Variants in INSR observed in about 807,000 individuals in gnomAD.
The protein encoded by INSR is insulin receptor, also known as IR.
Under a neutral mutation model 142.6 loss-of-function variants are expected in INSR, and 67 were observed. That is an observed-to-expected ratio of 0.47 (90% confidence interval 0.39 to 0.58). The LOEUF is 0.58. INSR is among the 20% of genes least tolerant of loss of function. The probability of loss-of-function intolerance (pLI) is 0.00; values close to 1 mark genes in which losing one functional copy is unlikely to be tolerated. For synonymous variants in INSR, 756 were observed against 743.1 expected (o/e 1.02, Z -0.28); for missense variants, 1,248 against 1,833.2 (o/e 0.68, Z 5.83).
chr19:7,157,762 C>CCTT (rs1973634903), intron 9 of INSR, among the ~76,000 whole-genome samples: 1 of 151,792 alleles, frequency 6.6e-6, no homozygotes, highest in East Asian at 1.9e-4. Flanking sequence ...TGCCTGGTGA[C>CCTT]TGCTGAGCAA....
At position 7,116,949 on chromosome 19, in the gene INSR, C is replaced by A; in HGVS notation, c.*107G>T. Reference sequence around the variant, plus strand: ...AATGTATAGGAACGATCTCTGAACTCCATTGGACATGGTAGAGTCGTGAGA... The same window carrying A: ...AATGTATAGGAACGATCTCTGAACTACATTGGACATGGTAGAGTCGTGAGA... On this transcript the variant is annotated 3_prime_UTR_variant, in exon 22 of 22. Coordinates refer to ENST00000302850, the MANE Select transcript of INSR (RefSeq NM_000208.4). 1 of 894,156 alleles carries A rather than the reference C, an allele frequency of 1.1e-6. No individual in the cohort carries two copies. Among genetic ancestry groups the A allele is most frequent in the East Asian group, 2.4e-5 (1 of 41,704 alleles). The allele number at this position is 894,156 out of a possible 1,614,324, so 55.4% of individuals were successfully genotyped here. A position where few individuals can be genotyped will look rare whatever the true frequency, so the allele number is the denominator to read the frequency against.
intron 1 of INSR, among the ~76,000 whole-genome samples, chr19:7,278,686 C>G (rs1332935565): frequency 6.7e-6 from 1 of 149,760 alleles, no homozygotes; most frequent in African/African-American, 2.5e-5. Context: ...TGGTGAAACC[C>G]CATGTCTACT....
Position 7,116,833 on chromosome 19 carries a change from T to TG in INSR, c.*222dup, listed in dbSNP as rs2144788768. 1.9e-6 allele frequency: 1 copy of TG among 517,746 alleles called. No homozygotes were observed. The highest frequency in any genetic ancestry group is 3.5e-5 in the Admixed American group (1 of 28,884). The allele number at this position is 517,746 out of a possible 1,614,324, so 32.1% of individuals were successfully genotyped here. ...CGTTGCCCCAAAGGAGCAGCAACTG[T>TG]GGAAACCCCTTGCCCTCCAGGTTCA... On this transcript the variant is annotated 3_prime_UTR_variant, in exon 22 of 22. Transcript: ENST00000302850.
At chr19:7,287,505 G>GAA (rs943077913) in intron 1 of INSR, among the ~76,000 whole-genome samples, 1 of 145,002 alleles carries the variant, frequency 6.9e-6, no homozygotes, top group African/African-American at 2.5e-5. Flanking sequence ...AGGCCTGAGA[G>GAA]AAAAAAAAAA....
chr19:7,240,419 C>CA (rs1294504824), intron 2 of INSR, among the ~76,000 whole-genome samples: 1 of 151,420 alleles, frequency 6.6e-6, no homozygotes, highest in East Asian at 1.9e-4. Flanking sequence ...CCCATCTCTA[C>CA]AAAAATACAT....
At chr19:7,132,977 A>T (rs1289344136) in intron 13 of INSR, among the ~76,000 whole-genome samples, 1 of 152,146 alleles carries the variant, frequency 6.6e-6, no homozygotes, top group Non-Finnish European at 1.5e-5. Flanking sequence ...CAACAGTATT[A>T]TAGGTCAGGC....
In INSR at chr19:7,159,112, A is replaced by C. The variant is rs1356490047; in HGVS notation, c.2029+3920T>G. Among the ~76,000 whole-genome samples the C allele has an allele frequency of 1.3e-5, 2 of 152,158 alleles. No individual in the cohort carries two copies. Among genetic ancestry groups the C allele is most frequent in the Non-Finnish European group, 2.9e-5 (2 of 68,028 alleles). ...GAGACGGGGTTTCACCATGTTGCCC[A>C]GGCTGGTCTCGAACTCCTGGCCTCA... is the stretch of plus-strand genomic sequence containing the variant. On this transcript the variant is annotated intron_variant, in intron 9 of 21. Coordinates refer to ENST00000302850, the MANE Select transcript of INSR (RefSeq NM_000208.4). This position sits in a 1 kb window ranked among gnomAD's most constrained non-coding sequence, Gnocchi z 4.3.
intron 3 of INSR, 27 bp from the exon 4 acceptor site, chr19:7,174,758 A>G (rs749217819): frequency 6.2e-7 from 1 of 1,604,034 alleles, no homozygotes; most frequent in South Asian, 1.1e-5. Context: ...GAGAGAGAGA[A>G]AGAGAAAGGG....
Position 7,149,412 on chromosome 19 carries a change from T to A in INSR, c.2267+1085A>T, listed in dbSNP as rs577669132. ...AACTTGCCTCTTTAGTCTCACCTCC[T>A]GTTCCTCCCAAAAGCCACGACAGGT... On this transcript the variant is annotated intron_variant, in intron 11 of 21. Transcript: ENST00000302850. Among the ~76,000 whole-genome samples the A allele has an allele frequency of 4.6e-5, 7 of 152,316 alleles. 1 individual carries two copies. The highest frequency in any genetic ancestry group is 1.7e-4 in the African/African-American group (7 of 41,580).
chr19:7,119,381 G>C lies in INSR; in HGVS notation c.3794+68C>G. 1 of 1,588,596 alleles carries C rather than the reference G, an allele frequency of 6.3e-7. No individual in the cohort carries two copies. The highest frequency in any genetic ancestry group is 1.1e-5 in the South Asian group (1 of 90,300). On this transcript the variant is annotated intron_variant, in intron 21 of 21. Coordinates refer to ENST00000302850, the MANE Select transcript of INSR (RefSeq NM_000208.4). This position sits in a 1 kb window ranked among gnomAD's most constrained non-coding sequence, Gnocchi z 5.2. ...GTAGACATAGGAAAGGCAAAACCAA[G>C]CACACGTGTAAAGGGCAATACCCTT...
intron 7 of INSR, among the ~76,000 whole-genome samples, chr19:7,167,549 T>G (rs1373920164): frequency 3.4e-5 from 5 of 146,528 alleles, no homozygotes; most frequent in Non-Finnish European, 7.4e-5. Context: ...CACTGTACCC[T>G]GGGCAACAGA....
chr19:7,194,595 C>T (rs1044440192), intron 2 of INSR, among the ~76,000 whole-genome samples: 1 of 148,192 alleles, frequency 6.7e-6, no homozygotes, highest in African/African-American at 2.5e-5. Flanking sequence ...TCACTGTAAC[C>T]CCCATGTCCT....
At chr19:7,281,606 A>G (rs764683642) in intron 1 of INSR, among the ~76,000 whole-genome samples, 8 of 152,058 alleles carry the variant, frequency 5.3e-5, no homozygotes, top group Non-Finnish European at 8.8e-5. Flanking sequence ...ATTTGAGCCC[A>G]GGAGTTCAGG....
At chr19:7,174,839 TTG>T (rs145389093) in intron 3 of INSR, 108 bp from the exon 4 acceptor site, 7,850 of 1,082,200 alleles carry the variant, frequency 7.3e-3, no homozygotes, top group East Asian at 8.6e-3. Flanking sequence ...TGGTATTTCT[TTG>T]TGTGTGTGTG....
At position 7,197,835 on chromosome 19, in the gene INSR, CGA is replaced by C. The variant is rs748138504; in HGVS notation, c.653-13200_653-13199del. Among the ~76,000 whole-genome samples the C allele has an allele frequency of 4.2e-4, 12 of 28,274 alleles. 1 individual carries two copies. The highest frequency in any genetic ancestry group is 1.6e-3 in the Admixed American group (4 of 2,454). 18.5% of individuals were successfully genotyped at this position (28,274 alleles called of 152,430 possible). A position where few individuals can be genotyped will look rare whatever the true frequency, so the allele number is the denominator to read the frequency against. ...GAGAGAGAGCGAGAGAGAGAGAGAACGAGAGAGAGAGAGAGAGAACGAGAGAG... is the reference window on the plus strand; with the variant it reads ...GAGAGAGAGCGAGAGAGAGAGAGAACGAGAGAGAGAGAGAGAACGAGAGAG... On this transcript the variant is annotated intron_variant, in intron 2 of 21. Coordinates refer to ENST00000302850, the MANE Select transcript of INSR (RefSeq NM_000208.4).
At chr19:7,204,463 A>G (rs981018865) in intron 2 of INSR, among the ~76,000 whole-genome samples, 2 of 152,172 alleles carry the variant, frequency 1.3e-5, no homozygotes, top group African/African-American at 4.8e-5. Flanking sequence ...CTCCCCGTGT[A>G]TATACCTCAG....
chr19:7,134,490 G>C (rs901217934), intron 13 of INSR, among the ~76,000 whole-genome samples: 3 of 151,916 alleles, frequency 2.0e-5, no homozygotes, highest in Non-Finnish European at 4.4e-5. Flanking sequence ...TTGAAGCCCG[G>C]GCACGGTGGC....
rs539993910 is a variant in INSR, at chr19:7,142,674, C to A, written c.2542+142G>T. 3.6e-5 allele frequency: 37 copies of A among 1,029,276 alleles called. No individual in the cohort carries two copies. In the Admixed American group the frequency reaches 6.6e-4, roughly 18 times the overall value. The allele number at this position is 1,029,276 out of a possible 1,614,324, so 63.8% of individuals were successfully genotyped here. ...CACCACTGTACTCCAGCCTGGGCGA[C>A]AGAGCAAGGCTCCGTCTCAAACAAA... On this transcript the variant is annotated intron_variant, in intron 12 of 21. Transcript: ENST00000302850.
At chr19:7,287,448 C>T (rs1968374505) in intron 1 of INSR, among the ~76,000 whole-genome samples, 1 of 151,950 alleles carries the variant, frequency 6.6e-6, no homozygotes. Flanking sequence ...AGGCGTGAGC[C>T]ACCACACCTG....
Sources: allele counts gnomAD v4.1 joint callset (sites outside exome capture counted in the v4.1 genomes callset), GRCh38; gene constraint gnomAD v4.1.1; non-coding constraint Gnocchi (gnomAD v3.1); transcripts MANE v1.5; gene names NCBI Gene and HGNC (gene_info 2026-07-23, HGNC 2026-07-21).